The following ARRDC5 variants were observed in gnomAD, a reference collection of about 807,000 sequenced individuals.
The protein encoded by ARRDC5 is arrestin domain-containing protein 5.
ARRDC5 carries 12 observed loss-of-function variants against 13.3 expected under a neutral mutation model. The ratio of observed to expected loss-of-function variants is 0.90; its 90% CI spans 0.58 to 1.46. ARRDC5 has a LOEUF of 1.46. ARRDC5 is among the 40% of genes most tolerant of loss of function. The pLI, the probability that ARRDC5 is intolerant of heterozygous loss-of-function variation, is 0.00. For synonymous variants in ARRDC5, 181 were observed against 173.4 expected, an observed-to-expected ratio of 1.04 and a Z score of -0.34; for missense variants, 406 against 418.7, an observed-to-expected ratio of 0.97 and a Z score of 0.26.
At chr19:4,901,752 CA>C (rs1291597346) in intron 1 of ARRDC5, among the ~76,000 whole-genome samples, 2 of 152,138 alleles carry the variant, frequency 1.3e-5, no homozygotes, top group Admixed American at 6.6e-5. Context: ...CCCACAAACA[CA>C]TTTTGCAATG....
intron 2 of ARRDC5, among the ~76,000 whole-genome samples, chr19:4,896,361 TACACA>T (rs1327499010): frequency 4.7e-5 from 4 of 84,986 alleles, no homozygotes; most frequent in African/African-American, 1.7e-4. Flanking sequence ...TTTTTTTTTT[TACACA>T]CACACACACA....
At chr19:4,892,085 T>G (rs1445549684) in intron 2 of ARRDC5, among the ~76,000 whole-genome samples, 1 of 152,022 alleles carries the variant, frequency 6.6e-6, no homozygotes, top group African/African-American at 2.4e-5. Context: ...TGTTTTGTTT[T>G]TTGTTTTTTG....
At chr19:4,895,561 T>A (rs956240904) in intron 2 of ARRDC5, among the ~76,000 whole-genome samples, 3 of 150,840 alleles carry the variant, frequency 2.0e-5, no homozygotes, top group African/African-American at 7.3e-5. Context: ...CCAACGTCCC[T>A]CCTCCCACCT....
the ARRDC5 span, among the ~76,000 whole-genome samples, chr19:4,916,218 A>G: frequency 3.9e-5 from 6 of 151,926 alleles, no homozygotes; most frequent in Non-Finnish European, 7.4e-5. Context: ...AGGTGGGAAG[A>G]TCACTTGAGC....
intron 2 of ARRDC5, among the ~76,000 whole-genome samples, chr19:4,893,661 G>A (rs959054471): frequency 2.0e-5 from 3 of 148,730 alleles, no homozygotes; most frequent in South Asian, 2.2e-4. Flanking sequence ...GGAGGCCAAG[G>A]GGGGAGGATC....
rs71170877 is a variant in ARRDC5 at position 4,896,361 on chromosome 19, TACACACACAC to T, written c.459+300_459+309del. ...ATATATATATATATTTTTTTTTTTT[TACACACACAC>T]ACACACACACACACACACACACACA... On this transcript the variant is annotated intron_variant, in intron 2 of 2. Transcript: ENST00000650722. Among the ~76,000 whole-genome samples the T allele has an allele frequency of 8.8e-3, 750 of 84,832 alleles. 25 individuals are homozygous for T. The highest frequency in any genetic ancestry group is 0.039 in the African/African-American group (697 of 17,690). The allele number at this position is 84,832 out of a possible 152,430, so 55.7% of individuals were successfully genotyped here.
chr19:4,891,311 G>C lies in ARRDC5; in HGVS notation c.722C>G (p.Ala241Gly). The change falls in exon 3 of 3, where the codon GCC (alanine) becomes GGC (glycine). Residue 241 changes from alanine (A) to glycine (G), a missense_variant. Coordinates refer to ENST00000650722, the MANE Select transcript of ARRDC5 (RefSeq NM_001080523.3). Reference protein sequence around the residue: ...LDSSELLRQEANTPVTRFNTT... With the variant: ...LDSSELLRQEGNTPVTRFNTT... ...GTTGAAGCGGGTCACGGGGGTGTTG[G>C]CCTCCTGCCTCAGAAGCTCGCTGCT... 1 of 1,613,896 alleles carries C rather than the reference G, an allele frequency of 6.2e-7. No homozygotes were observed. Among genetic ancestry groups the C allele is most frequent in the Non-Finnish European group, 8.5e-7 (1 of 1,179,874 alleles).
intron 2 of ARRDC5, among the ~76,000 whole-genome samples, chr19:4,895,506 T>A (rs1344861563): frequency 6.7e-6 from 1 of 149,530 alleles, no homozygotes; most frequent in African/African-American, 2.5e-5. Context: ...CCTGTCCCAA[T>A]GCTCTGATGA....
At chr19:4,900,065 C>T (rs538507495) in intron 1 of ARRDC5, among the ~76,000 whole-genome samples, 45 of 151,128 alleles carry the variant, frequency 3.0e-4, no homozygotes, top group African/African-American at 9.7e-4. Flanking sequence ...ACCTCCGTCT[C>T]CCTTGGCCTC....
chr19:4,898,060 C>T (rs1283119415), intron 1 of ARRDC5, among the ~76,000 whole-genome samples: 1 of 152,108 alleles, frequency 6.6e-6, no homozygotes, highest in Non-Finnish European at 1.5e-5. Context: ...GTACTCCAGC[C>T]TGGGTGACAG....
chr19:4,908,069 T>C, the ARRDC5 span, among the ~76,000 whole-genome samples: 7 of 152,182 alleles, frequency 4.6e-5, no homozygotes, highest in African/African-American at 1.7e-4. Context: ...GACTTTGACC[T>C]TTTGTATCCC....
At position 4,891,221 on chromosome 19, in the gene ARRDC5, T is replaced by C; in HGVS notation, c.812A>G (p.Asp271Gly). 1 of 1,613,800 alleles carries C rather than the reference T, an allele frequency of 6.2e-7. No individual in the cohort carries two copies. Among genetic ancestry groups the C allele is most frequent in the Non-Finnish European group, 8.5e-7 (1 of 1,179,854 alleles). Residue 271 changes from aspartate to glycine, a missense_variant, in exon 3 of 3, where the codon GAC (aspartate) becomes GGC (glycine). By Grantham distance (94) the Asp-to-Gly change is moderately conservative. Transcript: ENST00000650722. ...LLLSVSSSTQ[D>G]GEIMHTRYEL... ...GTAGCGAGTGTGCATGATCTCACCGTCCTGCGTGCTGCTGCTCACGGACAG... is the reference window on the plus strand; with the variant it reads ...GTAGCGAGTGTGCATGATCTCACCGCCCTGCGTGCTGCTGCTCACGGACAG...
intron 2 of ARRDC5, among the ~76,000 whole-genome samples, chr19:4,892,040 G>A (rs906058440): frequency 6.6e-6 from 1 of 151,724 alleles, no homozygotes; most frequent in Non-Finnish European, 1.5e-5. Context: ...GGATTTTGCA[G>A]TCAAAAACCT....
At chr19:4,915,969 C>T in the ARRDC5 span, among the ~76,000 whole-genome samples, 6 of 152,050 alleles carry the variant, frequency 3.9e-5, no homozygotes, top group African/African-American at 1.4e-4. Flanking sequence ...ATCCAATAGC[C>T]CCAGGAGCCT....
At chr19:4,903,074 T>G (rs574081327), upstream of ARRDC5, 1 of 470,710 alleles carries the variant, frequency 2.1e-6, no homozygotes, top group Admixed American at 3.5e-5. Flanking sequence ...TAGCCCAGGC[T>G]GGAGTGCAGG....
intron 1 of ARRDC5, among the ~76,000 whole-genome samples, chr19:4,899,136 C>T (rs1464424090): frequency 6.6e-6 from 1 of 151,072 alleles, no homozygotes; most frequent in Non-Finnish European, 1.5e-5. Flanking sequence ...GGTGAAACCC[C>T]GTCTGTAATA....
At chr19:4,910,966 G>A in the ARRDC5 span, 1 of 1,613,380 alleles carries the variant, frequency 6.2e-7, no homozygotes, top group South Asian at 1.1e-5. Flanking sequence ...AGGTGGAGGA[G>A]CTGAGGCGGA....
chr19:4,911,240 C>T, the ARRDC5 span, among the ~76,000 whole-genome samples: 1 of 152,182 alleles, frequency 6.6e-6, no homozygotes, highest in South Asian at 2.1e-4. Flanking sequence ...CAGATTGACA[C>T]GCTGGGCTGG....
rs780893067 is a variant in ARRDC5 at position 4,891,365 on chromosome 19, G to A, written c.668C>T (p.Pro223Leu). The A allele has an allele frequency of 1.1e-5, 17 of 1,613,760 alleles. No individual in the cohort carries two copies. The South Asian group carries it at 1.8e-4, about 17-fold the overall frequency. ...YAHIQYEGFTPSAERRSRLDS... is the reference protein window; with the variant it reads ...YAHIQYEGFTLSAERRSRLDS... ...CAGCCGAGACCGCCGCTCTGCACTG[G>A]GCGTGAAGCCCTCGTACTGTATGTG... The change falls in exon 3 of 3, where the codon CCC (proline) becomes CTC (leucine). Residue 223 changes from proline to leucine, a missense_variant. Physicochemically the swap from Pro to Leu is moderately conservative, Grantham distance 98 (BLOSUM62 -3). Coordinates refer to ENST00000650722, the MANE Select transcript of ARRDC5 (RefSeq NM_001080523.3).
Sources: allele counts gnomAD v4.1 joint callset (sites outside exome capture counted in the v4.1 genomes callset), GRCh38; gene constraint gnomAD v4.1.1; transcripts MANE v1.5; gene names NCBI Gene and HGNC (gene_info 2026-07-23, HGNC 2026-07-21).